SSUH2: variants seen among roughly 807,000 people sequenced by gnomAD.
SSUH2 encodes protein SSUH2 homolog.
Under a neutral mutation model 55.3 loss-of-function variants are expected in SSUH2, and 47 were observed. The observed-to-expected ratio is 0.85, with a 90% CI of 0.67 to 1.08. The LOEUF is 1.08. Among genes scored for constraint, SSUH2 ranks in the 50% least tolerant of loss-of-function variants. The pLI, the probability that SSUH2 is intolerant of heterozygous loss-of-function variation, is 0.00. For synonymous variants in SSUH2, 212 were observed against 191.5 expected (o/e 1.11, Z -0.89); for missense variants, 535 against 490.7 (o/e 1.09, Z -0.85).
intron 11 of SSUH2, 60 bp from the exon 12 acceptor site, chr3:8,620,074 A>G: frequency 6.3e-7 from 1 of 1,579,632 alleles, no homozygotes; most frequent in Non-Finnish European, 8.6e-7. Context: ...TCACCTGCTC[A>G]GGAACTTTCA....
At chr3:8,631,433 A>C (rs963520415) in intron 5 of SSUH2, among the ~76,000 whole-genome samples, 1 of 152,208 alleles carries the variant, frequency 6.6e-6, no homozygotes, top group Admixed American at 6.5e-5. Flanking sequence ...ATAGGATATG[A>C]TACATGCTTT....
chr3:8,667,737 C>A (rs1704117119), intron 5 of SSUH2, among the ~76,000 whole-genome samples: 1 of 152,218 alleles, frequency 6.6e-6, no homozygotes, highest in South Asian at 2.1e-4. Context: ...AAAGTCCCAA[C>A]CCTCTGATTC....
chr3:8,627,878 T>C, intron 7 of SSUH2, 95 bp from the exon 8 acceptor site: 1 of 1,088,750 alleles, frequency 9.2e-7, no homozygotes, highest in East Asian at 2.7e-5. Flanking sequence ...CCTGGTGACC[T>C]TCCTCCCCCT....
rs999773407 is a variant in SSUH2, at chr3:8,635,846, G to C, written c.40C>G (p.Leu14Val). ...DLNEDDSVVD[L>V]SFEAESPLAP... ...AGAGGACTCTCGGCCTCAAAACTGA[G>C]GTCCACCACACCTGCAGAAAGACAA... Residue 14 changes from leucine (L) to valine (V), a missense_variant, in exon 2 of 12, where the codon CTC becomes GTC. Coordinates refer to ENST00000544814, the MANE Select transcript of SSUH2 (RefSeq NM_001256748.3). The C allele has an allele frequency of 6.5e-7, 1 of 1,535,840 alleles. No homozygotes were observed. The highest frequency in any genetic ancestry group is 1.4e-5 in the African/African-American group (1 of 73,042).
At chr3:8,672,906 A>G (rs1177315952) in intron 3 of SSUH2, among the ~76,000 whole-genome samples, 10 of 152,044 alleles carry the variant, frequency 6.6e-5, no homozygotes, top group Admixed American at 6.5e-4. Context: ...GTGGGTGTAC[A>G]CCTGCTGCGA....
At chr3:8,624,033 G>T (rs910311214) in intron 10 of SSUH2, among the ~76,000 whole-genome samples, 1 of 152,152 alleles carries the variant, frequency 6.6e-6, no homozygotes. Flanking sequence ...GCCCTCTAAG[G>T]GTCAGGCACT....
chr3:8,642,507 G>T (rs6782117), intron 1 of SSUH2, among the ~76,000 whole-genome samples: 39,654 of 152,172 alleles, frequency 0.26, 5,963 homozygotes, highest in African/African-American at 0.41. Context: ...ACTGGAAGTG[G>T]TCCAGCCAAA....
At chr3:8,633,133 T>C (rs1288660371) in intron 4 of SSUH2, among the ~76,000 whole-genome samples, 1 of 149,416 alleles carries the variant, frequency 6.7e-6, no homozygotes, top group East Asian at 2.1e-4. Context: ...CAGTGGTGTT[T>C]GATGACGCCT....
intron 8 of SSUH2, 25 bp downstream of exon 8, chr3:8,627,673 C>T (rs113481784): frequency 5.1e-5 from 72 of 1,424,808 alleles, no homozygotes; most frequent in African/African-American, 3.3e-4. Flanking sequence ...AGCACTTCAC[C>T]GCGGTGCTGG....
intron 3 of SSUH2, among the ~76,000 whole-genome samples, chr3:8,672,563 T>C (rs1273109566): frequency 1.3e-5 from 2 of 152,104 alleles, no homozygotes; most frequent in African/African-American, 2.4e-5. Flanking sequence ...CTCCTCTCCA[T>C]GGATATTAGG....
At chr3:8,634,225 T>A in intron 3 of SSUH2, 1 of 575,404 alleles carries the variant, frequency 1.7e-6, no homozygotes, top group Non-Finnish European at 2.8e-6. Flanking sequence ...GCTAGCAACA[T>A]GATGGGAAGA....
chr3:8,620,390 A>T (rs1343185897), intron 11 of SSUH2, among the ~76,000 whole-genome samples: 1 of 152,112 alleles, frequency 6.6e-6, no homozygotes, highest in Non-Finnish European at 1.5e-5. Context: ...TCCCGCCATG[A>T]TTGTGAGGGC....
At position 8,658,616 on chromosome 3, in the gene SSUH2, T is replaced by C. The variant is rs1703175553; in HGVS notation, c.-307+309A>G. Among the ~76,000 whole-genome samples the C allele has an allele frequency of 3.3e-5, 5 of 152,142 alleles. No individual in the cohort carries two copies. The South Asian group carries it at 8.3e-4, about 25-fold the overall frequency. Reference sequence around the variant, plus strand: ...CTCGTTGGCCTGGCAACCTGCCCACTGGAAAGGCAAAGGCCAGACTATTTC... The same window carrying C: ...CTCGTTGGCCTGGCAACCTGCCCACCGGAAAGGCAAAGGCCAGACTATTTC... On this transcript the variant is annotated intron_variant, in intron 7 of 18. Coordinates refer to the SSUH2 transcript ENST00000317371.
chr3:8,637,308 G>A (rs377152529), intron 1 of SSUH2, among the ~76,000 whole-genome samples: 6 of 152,156 alleles, frequency 3.9e-5, no homozygotes, highest in Non-Finnish European at 8.8e-5. Context: ...CATTCACTAC[G>A]TATCTGTTTT....
At chr3:8,668,148 G>A (rs1559527660) in intron 5 of SSUH2, among the ~76,000 whole-genome samples, 2 of 151,988 alleles carry the variant, frequency 1.3e-5, no homozygotes, top group Non-Finnish European at 2.9e-5. Context: ...TTAAAAACTT[G>A]TAAAGCTCTT....
chr3:8,659,603 G>T (rs1166112399), intron 6 of SSUH2: 11 of 331,010 alleles, frequency 3.3e-5, no homozygotes, highest in Non-Finnish European at 6.6e-5. Flanking sequence ...GGAAGAATCT[G>T]CTGGAGGCCG....
Position 8,664,476 on chromosome 3 carries a change from A to AT in SSUH2, c.-454-675dup, listed in dbSNP as rs113030578. 2.8e-3 allele frequency among the ~76,000 whole-genome samples: 427 copies of AT among 151,878 alleles called. 1 individual carries two copies. The highest frequency in any genetic ancestry group is 0.01 in the South Asian group (50 of 4,802). On this transcript the variant is annotated intron_variant, in intron 5 of 18. Coordinates refer to the SSUH2 transcript ENST00000317371. ...GCTCTTTCAACAAAATTTCTGAGCA[A>AT]TTTTTTTTTACCACATTTATGCCTT...
At chr3:8,681,648 C>CAA (rs1705960943) in intron 1 of SSUH2, among the ~76,000 whole-genome samples, 1 of 150,362 alleles carries the variant, frequency 6.7e-6, no homozygotes, top group Non-Finnish European at 1.5e-5. Context: ...GAGGCACCCC[C>CAA]CGTGCGATGG....
chr3:8,667,256 G>T (rs1704076587), intron 5 of SSUH2, among the ~76,000 whole-genome samples: 1 of 152,166 alleles, frequency 6.6e-6, no homozygotes, highest in Non-Finnish European at 1.5e-5. Flanking sequence ...GGAACTGAGG[G>T]TTCCTCCCAT....
Sources: gnomAD v4.1 joint callset for allele counts (sites outside exome capture counted in the v4.1 genomes callset) on GRCh38, gnomAD v4.1.1 for gene constraint, MANE v1.5 for transcripts, NCBI Gene and HGNC (gene_info 2026-07-23, HGNC 2026-07-21) for gene names.